MAML3: variants seen among roughly 807,000 people sequenced by gnomAD.
MAML3 encodes mastermind-like protein 3.
In MAML3, 27 loss-of-function variants were observed where a neutral mutation model predicts 101.9. The observed-to-expected ratio is 0.27, with a 90% CI of 0.20 to 0.37. The LOEUF (loss-of-function observed/expected upper bound fraction) is 0.37, where lower values mean the gene tolerates loss of function less well. MAML3 is among the 10% of genes least tolerant of loss of function. The probability of loss-of-function intolerance (pLI) is 1.00; values close to 1 mark genes in which losing one functional copy is unlikely to be tolerated. For missense variants in MAML3, 1,316 were observed against 1,444.9 expected (o/e 0.91, Z 1.45); for synonymous variants, 501 against 555.9 (o/e 0.90, Z 1.39).
intron 1 of MAML3, among the ~76,000 whole-genome samples, chr4:139,944,229 G>A (rs1388575973): frequency 7.4e-4 from 112 of 151,982 alleles, no homozygotes; most frequent in Non-Finnish European, 1.3e-3. Context: ...TGCACATTGT[G>A]CAGGTTAGTT....
intron 1 of MAML3, among the ~76,000 whole-genome samples, chr4:139,975,726 G>A (rs564221935): frequency 6.6e-6 from 1 of 152,244 alleles, no homozygotes; most frequent in South Asian, 2.1e-4. Context: ...TAATGAAAAA[G>A]GTGTGAAGTC....
chr4:139,965,498 A>C (rs1481061691), intron 1 of MAML3, among the ~76,000 whole-genome samples: 1 of 152,186 alleles, frequency 6.6e-6, no homozygotes, highest in East Asian at 1.9e-4. Flanking sequence ...TAATATCTTC[A>C]TGTCCTCTCC....
chr4:140,144,340 A>T (rs1729022615), intron 1 of MAML3, among the ~76,000 whole-genome samples: 1 of 152,082 alleles, frequency 6.6e-6, no homozygotes, highest in Non-Finnish European at 1.5e-5. Flanking sequence ...TGAGCTCAGG[A>T]GTTTGAGACC....
chr4:139,787,103 C>T (rs9790531), intron 2 of MAML3, among the ~76,000 whole-genome samples: 1 of 152,196 alleles, frequency 6.6e-6, no homozygotes, highest in East Asian at 1.9e-4. Flanking sequence ...TTCAGCTTTC[C>T]CTTCCCGGCT....
intron 2 of MAML3, among the ~76,000 whole-genome samples, chr4:139,766,467 C>T (rs1729861801): frequency 6.6e-6 from 1 of 152,192 alleles, no homozygotes; most frequent in Admixed American, 6.5e-5. Context: ...CCACCGTGCC[C>T]AGTCACGAGT....
chr4:139,755,139 C>T (rs1053813963), intron 2 of MAML3, among the ~76,000 whole-genome samples: 9 of 152,186 alleles, frequency 5.9e-5, no homozygotes, highest in African/African-American at 9.7e-5. Flanking sequence ...GCCAGCTGGC[C>T]GGCACCAATT....
chr4:139,753,672 G>A (rs1729580483), intron 2 of MAML3, among the ~76,000 whole-genome samples: 1 of 152,204 alleles, frequency 6.6e-6, no homozygotes, highest in African/African-American at 2.4e-5. Flanking sequence ...AGGCTGAGGT[G>A]AGAATTAATA....
intron 1 of MAML3, among the ~76,000 whole-genome samples, chr4:139,932,732 G>C (rs1263368478): frequency 6.6e-6 from 1 of 152,186 alleles, no homozygotes; most frequent in Non-Finnish European, 1.5e-5. Context: ...AGTCCCTTCA[G>C]AGTGGGTTCA....
intron 2 of MAML3, among the ~76,000 whole-genome samples, chr4:139,799,238 C>T (rs145115001): frequency 9.3e-4 from 141 of 152,284 alleles, no homozygotes; most frequent in African/African-American, 3.1e-3. Context: ...CATAATTAAG[C>T]GACCAACTTC....
intron 1 of MAML3, among the ~76,000 whole-genome samples, chr4:139,992,419 T>C (rs1432576725): frequency 6.6e-6 from 1 of 152,228 alleles, no homozygotes; most frequent in Non-Finnish European, 1.5e-5. Flanking sequence ...TTTAAAGACG[T>C]TGTCACTTTT....
At chr4:140,142,584 A>G (rs573955215) in intron 1 of MAML3, among the ~76,000 whole-genome samples, 2 of 152,182 alleles carry the variant, frequency 1.3e-5, no homozygotes, top group Admixed American at 6.5e-5. Context: ...CTTTTTAAAT[A>G]TATCTATTAA....
chr4:139,924,089 A>T (rs1330535454), intron 1 of MAML3, among the ~76,000 whole-genome samples: 1 of 152,236 alleles, frequency 6.6e-6, no homozygotes, highest in Non-Finnish European at 1.5e-5. Context: ...CAGAATAAAA[A>T]AAGTGATACC....
chr4:140,006,314 G>A (rs758159651), intron 1 of MAML3, among the ~76,000 whole-genome samples: 12 of 151,972 alleles, frequency 7.9e-5, no homozygotes, highest in Non-Finnish European at 1.0e-4. Flanking sequence ...GGCCGGGTGC[G>A]GTTGCTCACC....
chr4:139,783,497 C>T (rs530299675), intron 2 of MAML3, among the ~76,000 whole-genome samples: 3 of 152,332 alleles, frequency 2.0e-5, no homozygotes, highest in African/African-American at 4.8e-5. Flanking sequence ...TGTGGGGCTG[C>T]TCAGAACCTG....
intron 2 of MAML3, among the ~76,000 whole-genome samples, chr4:139,813,343 C>A (rs1160171376): frequency 6.6e-6 from 1 of 152,058 alleles, no homozygotes; most frequent in East Asian, 1.9e-4. Flanking sequence ...CCAGAAAATT[C>A]CCTGAACAAT....
intron 4 of MAML3, 113 bp from the exon 5 acceptor site, chr4:139,720,436 T>C: frequency 1.1e-6 from 1 of 881,972 alleles, no homozygotes; most frequent in Non-Finnish European, 1.6e-6. Context: ...TGAAAGGATC[T>C]ACTCTGATAA....
chr4:140,139,062 A>T (rs1347544997), intron 1 of MAML3, among the ~76,000 whole-genome samples: 2 of 152,112 alleles, frequency 1.3e-5, no homozygotes, highest in East Asian at 3.9e-4. Flanking sequence ...GCTTAAAATC[A>T]GGAGTTTGAG....
chr4:139,771,751 A>T (rs1440519432), intron 2 of MAML3, among the ~76,000 whole-genome samples: 1 of 152,072 alleles, frequency 6.6e-6, no homozygotes, highest in Admixed American at 6.5e-5. Context: ...ATCCAGAGGG[A>T]CCACCTGTAC....
chr4:139,912,296 T>C (rs1459129244), intron 1 of MAML3, among the ~76,000 whole-genome samples: 1 of 152,166 alleles, frequency 6.6e-6, no homozygotes, highest in Non-Finnish European at 1.5e-5. Context: ...GAAGTTTGGC[T>C]CTAATAGTCT....
Sources: gnomAD v4.1 joint callset for allele counts (sites outside exome capture counted in the v4.1 genomes callset) on GRCh38, gnomAD v4.1.1 for gene constraint, MANE v1.5 for transcripts, NCBI Gene and HGNC (gene_info 2026-07-23, HGNC 2026-07-21) for gene names.